Variants in MCPH1 observed in about 807,000 individuals in gnomAD.
The protein encoded by MCPH1 is microcephalin.
A neutral mutation model predicts 84.5 loss-of-function variants in MCPH1; 104 were observed. The observed-to-expected ratio is 1.23, with a 90% confidence interval of 1.05 to 1.45. The LOEUF is 1.45. Among genes scored for constraint, MCPH1 ranks in the 40% most tolerant of loss-of-function variants. MCPH1 has a pLI of 0.00. For synonymous variants in MCPH1, 514 were observed against 366.8 expected (o/e 1.40, Z -4.58); for missense variants, 1,498 against 1,005.7 (o/e 1.49, Z -6.62).
intron 4 of MCPH1, among the ~76,000 whole-genome samples, chr8:6,433,849 G>A (rs890739183): frequency 2.6e-5 from 4 of 151,936 alleles, no homozygotes; most frequent in Non-Finnish European, 4.4e-5. Context: ...GGGTCCTTGA[G>A]ATGGTTCTGT....
chr8:6,588,781 C>T (rs1828204192), intron 12 of MCPH1, among the ~76,000 whole-genome samples: 1 of 152,268 alleles, frequency 6.6e-6, no homozygotes, highest in Non-Finnish European at 1.5e-5. Flanking sequence ...GCTCCTCTCT[C>T]CTCTCTGCCC....
chr8:6,469,366 TG>T (rs1807422391), intron 9 of MCPH1, among the ~76,000 whole-genome samples: 1 of 152,214 alleles, frequency 6.6e-6, no homozygotes, highest in African/African-American at 2.4e-5. Flanking sequence ...GTCCACAGAC[TG>T]AGTCTTTCTG....
At chr8:6,445,704 T>G in intron 8 of MCPH1, 157 bp downstream of exon 8, 2 of 1,422,250 alleles carry the variant, frequency 1.4e-6, no homozygotes, top group Non-Finnish European at 1.8e-6. Flanking sequence ...TGATAAACTC[T>G]TTAGGAATAG....
intron 12 of MCPH1, among the ~76,000 whole-genome samples, chr8:6,567,021 C>G (rs1174259948): frequency 2.1e-5 from 3 of 141,212 alleles, no homozygotes; most frequent in African/African-American, 8.1e-5. Context: ...AGATAGTGCA[C>G]GCGGTGCGGT....
At chr8:6,612,066 C>G (rs1287652265) in intron 12 of MCPH1, among the ~76,000 whole-genome samples, 1 of 152,144 alleles carries the variant, frequency 6.6e-6, no homozygotes, top group African/African-American at 2.4e-5. Flanking sequence ...CGGCCCCCAG[C>G]CTCCAGGAGC....
At chr8:6,477,492 G>C in intron 9 of MCPH1, 102 bp from the exon 10 acceptor site, 1 of 1,020,548 alleles carries the variant, frequency 9.8e-7, no homozygotes, top group Admixed American at 1.9e-5. Context: ...TTATTTTTAA[G>C]TGATGTAACT....
At chr8:6,568,060 T>C (rs968698319) in intron 12 of MCPH1, among the ~76,000 whole-genome samples, 1 of 152,212 alleles carries the variant, frequency 6.6e-6, no homozygotes, top group African/African-American at 2.4e-5. Flanking sequence ...CTCAAGTTCT[T>C]ATTACCCTGG....
intron 2 of MCPH1, among the ~76,000 whole-genome samples, chr8:6,413,104 T>C (rs1401224526): frequency 1.3e-5 from 2 of 152,192 alleles, no homozygotes; most frequent in East Asian, 3.8e-4. Flanking sequence ...AAGGTAAAAT[T>C]TTTGACACCA....
At chr8:6,489,402 C>G (rs1810316323) in intron 11 of MCPH1, among the ~76,000 whole-genome samples, 1 of 151,990 alleles carries the variant, frequency 6.6e-6, no homozygotes, top group South Asian at 2.1e-4. Flanking sequence ...GGGGGACTGT[C>G]TCAGGAAGGA....
intron 11 of MCPH1, chr8:6,494,655 A>C (rs888084982): frequency 1.3e-5 from 2 of 152,244 alleles, no homozygotes; most frequent in African/African-American, 4.8e-5. Context: ...CAAAAAGCAC[A>C]TGTTGTATAA....
chr8:6,409,490 G>A (rs969134800), intron 2 of MCPH1, 120 bp downstream of exon 2: 10 of 793,162 alleles, frequency 1.3e-5, no homozygotes, highest in African/African-American at 3.4e-5. Context: ...ATGGGTAAGC[G>A]GTGGGAGAAA....
intron 12 of MCPH1, among the ~76,000 whole-genome samples, chr8:6,576,375 C>T (rs960950559): frequency 1.3e-5 from 2 of 152,070 alleles, no homozygotes; most frequent in African/African-American, 4.8e-5. Context: ...TGTCTGTAAC[C>T]ATTGTTGTGA....
chr8:6,585,189 A>C (rs1827869925), intron 12 of MCPH1, among the ~76,000 whole-genome samples: 1 of 152,244 alleles, frequency 6.6e-6, no homozygotes, highest in Non-Finnish European at 1.5e-5. Flanking sequence ...CAGCAATACA[A>C]AGAAAGTTCT....
At chr8:6,517,869 T>A (rs1311964672) in intron 12 of MCPH1, among the ~76,000 whole-genome samples, 1 of 152,202 alleles carries the variant, frequency 6.6e-6, no homozygotes, top group Non-Finnish European at 1.5e-5. Context: ...GGAAGGGAAT[T>A]TAGAAGTAAC....
chr8:6,406,656 C>T lies in MCPH1; in HGVS notation c.-12C>T. On this transcript the variant is annotated 5_prime_UTR_variant, in exon 1 of 14. Transcript: ENST00000344683. Reference sequence around the variant, plus strand: ...ACCGCGTAGGCCAGCTGGCCGGATCCCGCCGTCTGTCATGGCGGCCCCCAT... The same window carrying T: ...ACCGCGTAGGCCAGCTGGCCGGATCTCGCCGTCTGTCATGGCGGCCCCCAT... The T allele has an allele frequency of 8.7e-6, 14 of 1,611,958 alleles. No homozygotes were observed. The highest frequency in any genetic ancestry group is 1.3e-5 in the African/African-American group (1 of 75,042).
chr8:6,483,981 CT>C (rs1179484066), intron 11 of MCPH1, among the ~76,000 whole-genome samples: 1 of 152,074 alleles, frequency 6.6e-6, no homozygotes, highest in Non-Finnish European at 1.5e-5. Flanking sequence ...TATAAAACTT[CT>C]ATAAGTAAAC....
At chr8:6,629,043 T>G (rs773841490) in intron 13 of MCPH1, among the ~76,000 whole-genome samples, 5 of 152,216 alleles carry the variant, frequency 3.3e-5, no homozygotes, top group Non-Finnish European at 5.9e-5. Context: ...CCAGAATTCA[T>G]AGGTTGAAGC....
At chr8:6,464,318 T>C (rs537132062) in intron 9 of MCPH1, among the ~76,000 whole-genome samples, 1 of 152,332 alleles carries the variant, frequency 6.6e-6, no homozygotes, top group South Asian at 2.1e-4. Flanking sequence ...TGTTGCTTGA[T>C]GAAGCCATTT....
chr8:6,505,374 ATATATTCTTTC>A (rs1813281876), intron 12 of MCPH1, among the ~76,000 whole-genome samples: 6 of 59,360 alleles, frequency 1.0e-4, no homozygotes, highest in African/African-American at 1.6e-4. Context: ...TATAGAATAT[ATATATTCTTTC>A]TATATGTATA....
Sources: gnomAD v4.1 joint callset for allele counts (sites outside exome capture counted in the v4.1 genomes callset) on GRCh38, gnomAD v4.1.1 for gene constraint, MANE v1.5 for transcripts, NCBI Gene and HGNC (gene_info 2026-07-23, HGNC 2026-07-21) for gene names.